The following SORBS2 variants were observed in gnomAD, a reference collection of about 807,000 sequenced individuals.
SORBS2 encodes the protein sorbin and SH3 domain-containing protein 2.
SORBS2 carries 46 observed loss-of-function variants against 97.7 expected under a neutral mutation model. The observed-to-expected ratio is 0.47, with a 90% CI of 0.37 to 0.60. The LOEUF is 0.60. Among genes scored for constraint, SORBS2 ranks in the 20% least tolerant of loss-of-function variants. The probability of loss-of-function intolerance (pLI) is 0.00; values close to 1 mark genes in which losing one functional copy is unlikely to be tolerated. For missense variants in SORBS2, 1,316 were observed against 1,282.3 expected (o/e 1.03, Z -0.40); for synonymous variants, 476 against 473.4 (o/e 1.01, Z -0.07).
At chr4:185,619,942 G>A (rs1014389315) in intron 8 of SORBS2, 121 bp downstream of exon 20, 14 of 735,594 alleles carry the variant, frequency 1.9e-5, no homozygotes, top group Non-Finnish European at 3.2e-5. Flanking sequence ...ATTGTTTCTA[G>A]TTTCTCAGTA....
intron 1 of SORBS2, among the ~76,000 whole-genome samples, chr4:185,948,558 C>A (rs911061006): frequency 2.7e-4 from 36 of 131,168 alleles, no homozygotes; most frequent in African/African-American, 1.0e-3. Context: ...TGCTCCATTG[C>A]CCAGGCTGGA....
At chr4:185,771,004 G>T (rs2098967354) in intron 2 of SORBS2, 1 of 95,608 alleles carries the variant, frequency 1.0e-5, no homozygotes, top group Non-Finnish European at 2.0e-5. Context: ...TTTTGAGACA[G>T]AGTTTCACTC....
At chr4:185,718,890 T>C (rs1192955006) in intron 2 of SORBS2, among the ~76,000 whole-genome samples, 2 of 152,222 alleles carry the variant, frequency 1.3e-5, no homozygotes, top group African/African-American at 2.4e-5. Flanking sequence ...AGAGCAGTTG[T>C]GTGCCTTAAT....
intron 1 of SORBS2, among the ~76,000 whole-genome samples, chr4:185,875,552 G>T (rs2099233076): frequency 6.6e-6 from 1 of 152,188 alleles, no homozygotes; most frequent in Non-Finnish European, 1.5e-5. Flanking sequence ...TCATTTTACA[G>T]TGCTTAGTTT....
chr4:185,607,437 C>T lies in SORBS2; in HGVS notation c.2796+4343G>A. On this transcript the variant is annotated intron_variant, in intron 12 of 14. Coordinates refer to ENST00000418609, the Ensembl canonical transcript of SORBS2. The surrounding 1 kb of genome is among the most constrained non-coding windows in gnomAD (Gnocchi z 5.2). ...ATCAAAACATAGCGATGGAGAAATG[C>T]AGAAAAGATGCGGTGGTGAATATGA... The T allele has an allele frequency of 4.8e-6, 3 of 630,802 alleles. No homozygotes were observed. The highest frequency in any genetic ancestry group is 3.2e-5 in the South Asian group (2 of 61,976). The allele number at this position is 630,802 out of a possible 1,614,324, so 39.1% of individuals were successfully genotyped here. A position where few individuals can be genotyped will look rare whatever the true frequency, so the allele number is the denominator to read the frequency against.
chr4:185,740,732 C>T (rs1183963460), intron 2 of SORBS2, among the ~76,000 whole-genome samples: 1 of 152,016 alleles, frequency 6.6e-6, no homozygotes, highest in African/African-American at 2.4e-5. Flanking sequence ...CAGCCCAACA[C>T]TAACTCAGCC....
Position 185,623,301 on chromosome 4 carries a change from A to G in SORBS2, c.1828T>C (p.Phe610Leu). ...GGAGCCGAATTTTTTTTCCTCCGGA[A>G]AGGCACAGGACTGACTAGAAAAGCA... The change falls in exon 7 of 15, where the codon TTC becomes CTC. Residue 610 changes from phenylalanine (F) to leucine (L), a missense_variant. Phe to Leu is a conservative substitution (Grantham distance 22). Coordinates refer to ENST00000418609, the Ensembl canonical transcript of SORBS2. The surrounding 1 kb of genome is among the most constrained non-coding windows in gnomAD (Gnocchi z 6.4). 3.1e-6 allele frequency: 5 copies of G among 1,614,088 alleles called. No individual in the cohort carries two copies. The highest frequency in any genetic ancestry group is 4.2e-6 in the Non-Finnish European group (5 of 1,180,020).
intron 2 of SORBS2, among the ~76,000 whole-genome samples, chr4:185,704,662 C>G (rs2098315343): frequency 6.6e-6 from 1 of 151,482 alleles, no homozygotes. Context: ...GTTTGAGAGC[C>G]CATTCTACTC....
At chr4:185,861,117 C>T (rs2099223461) in intron 1 of SORBS2, among the ~76,000 whole-genome samples, 1 of 152,106 alleles carries the variant, frequency 6.6e-6, no homozygotes, top group Middle Eastern at 3.2e-3. Flanking sequence ...GGCATCATTG[C>T]TATAAACAGT....
chr4:185,884,654 C>T (rs1322439461), intron 1 of SORBS2, among the ~76,000 whole-genome samples: 1 of 152,170 alleles, frequency 6.6e-6, no homozygotes, highest in Admixed American at 6.5e-5. Context: ...TGACCACTGA[C>T]CTATCATCTA....
At chr4:185,757,109 A>C (rs1044314116) in intron 2 of SORBS2, 1 of 557,204 alleles carries the variant, frequency 1.8e-6, no homozygotes. Context: ...GTGGAAAAGC[A>C]GGAAGCACAC....
At chr4:185,664,160 T>G (rs1337812189) in intron 4 of SORBS2, among the ~76,000 whole-genome samples, 1 of 152,186 alleles carries the variant, frequency 6.6e-6, no homozygotes, top group Non-Finnish European at 1.5e-5. Flanking sequence ...GGCCTAGATT[T>G]ATTCTTTTAT....
At chr4:185,821,191 A>G (rs2099196633) in intron 1 of SORBS2, among the ~76,000 whole-genome samples, 1 of 152,196 alleles carries the variant, frequency 6.6e-6, no homozygotes, top group Non-Finnish European at 1.5e-5. Flanking sequence ...ACGCGAGCTA[A>G]GTGGCTGAAG....
At chr4:185,643,609 G>A (rs1332545681) in intron 4 of SORBS2, among the ~76,000 whole-genome samples, 1 of 152,162 alleles carries the variant, frequency 6.6e-6, no homozygotes, top group Non-Finnish European at 1.5e-5. Context: ...TGGGCCAGAA[G>A]AGAGGAGCAG....
At chr4:185,603,171 T>C (rs1211266169) in intron 12 of SORBS2, among the ~76,000 whole-genome samples, 2 of 152,158 alleles carry the variant, frequency 1.3e-5, no homozygotes, top group East Asian at 3.8e-4. Flanking sequence ...GCGTCCTCCG[T>C]CTTTCCAAAT....
intron 1 of SORBS2, among the ~76,000 whole-genome samples, chr4:185,867,706 A>G (rs188869312): frequency 6.6e-6 from 1 of 152,254 alleles, no homozygotes; most frequent in Admixed American, 6.5e-5. Context: ...ACACCGGTCT[A>G]GGCTAGGATT....
chr4:185,630,774 A>G (rs1370677388), intron 4 of SORBS2, among the ~76,000 whole-genome samples, 176 bp from the exon 17 acceptor site: 2 of 152,216 alleles, frequency 1.3e-5, no homozygotes, highest in African/African-American at 4.8e-5. Context: ...CCTGATTTCT[A>G]CTTGGGACCT....
intron 1 of SORBS2, among the ~76,000 whole-genome samples, chr4:185,886,228 A>C (rs1250246542): frequency 1.3e-5 from 2 of 152,180 alleles, no homozygotes; most frequent in Non-Finnish European, 2.9e-5. Context: ...GGTGGGCGGC[A>C]GAAAGGCTAA....
In SORBS2 at chr4:185,623,614, G is replaced by A. The variant is rs140964722; in HGVS notation, c.1515C>T (p.Asp505=). 2.5e-6 allele frequency: 4 copies of A among 1,613,972 alleles called. No individual in the cohort carries two copies. Among genetic ancestry groups the A allele is most frequent in the Middle Eastern group, 1.6e-4 (1 of 6,084 alleles). Residue 505 remains aspartate (D), a synonymous_variant, in exon 7 of 15, where the codon GAC becomes GAT. Coordinates refer to ENST00000418609, the Ensembl canonical transcript of SORBS2. The surrounding 1 kb of genome is among the most constrained non-coding windows in gnomAD (Gnocchi z 6.4). Reference sequence around the variant, plus strand: ...AGTCACTGTGGTCGGACACAACCCCGTCCTGGTCGCTGTCGGAAAACTCCA... The same window carrying A: ...AGTCACTGTGGTCGGACACAACCCCATCCTGGTCGCTGTCGGAAAACTCCA...
Sources: allele counts gnomAD v4.1 joint callset (sites outside exome capture counted in the v4.1 genomes callset), GRCh38; gene constraint gnomAD v4.1.1; non-coding constraint Gnocchi (gnomAD v3.1); transcripts MANE v1.5; gene names NCBI Gene and HGNC (gene_info 2026-07-23, HGNC 2026-07-21).